MAMDC2: variants seen among roughly 807,000 people sequenced by gnomAD.
MAMDC2 encodes MAM domain-containing protein 2.
In MAMDC2, 57 loss-of-function variants were observed where a neutral mutation model predicts 89.8. The observed-to-expected ratio is 0.63, with a 90% confidence interval of 0.51 to 0.79. MAMDC2 has a LOEUF of 0.79. Ranked by LOEUF, MAMDC2 falls within the 30% of genes least tolerant of loss-of-function variation. The pLI is 0.00. For missense variants in MAMDC2, 800 were observed against 820.6 expected (o/e 0.97, Z 0.31); for synonymous variants, 313 against 293.4 (o/e 1.07, Z -0.68).
intron 9 of MAMDC2, among the ~76,000 whole-genome samples, chr9:70,151,987 G>A (rs923547045): frequency 6.6e-6 from 1 of 152,118 alleles, no homozygotes; most frequent in Non-Finnish European, 1.5e-5. Context: ...CCACCTCTCA[G>A]TGAGTTGTCA....
chr9:70,204,956 G>A (rs2033192211), intron 11 of MAMDC2, among the ~76,000 whole-genome samples: 1 of 152,160 alleles, frequency 6.6e-6, no homozygotes, highest in Admixed American at 6.5e-5. Context: ...CCCACTGTCT[G>A]GCACTCCCTA....
intron 2 of MAMDC2, chr9:70,081,513 T>C (rs1827653738): frequency 6.6e-6 from 1 of 152,122 alleles, no homozygotes. Flanking sequence ...GAAACAAAAC[T>C]TTAATGTTTC....
chr9:70,064,033 T>A (rs958215623), intron 2 of MAMDC2, among the ~76,000 whole-genome samples: 36 of 151,948 alleles, frequency 2.4e-4, no homozygotes, highest in Non-Finnish European at 4.6e-4. Flanking sequence ...TTTATTTTTT[T>A]AAAAAAAGAA....
intron 12 of MAMDC2, among the ~76,000 whole-genome samples, chr9:70,222,965 C>T (rs2033591883): frequency 6.6e-6 from 1 of 151,836 alleles, no homozygotes; most frequent in Admixed American, 6.6e-5. Flanking sequence ...ATGGCAAAAC[C>T]CTGTCTCCTC....
At chr9:70,179,523 C>CAA (rs745526034) in intron 11 of MAMDC2, among the ~76,000 whole-genome samples, 1 of 90,850 alleles carries the variant, frequency 1.1e-5, no homozygotes, top group African/African-American at 4.1e-5. Flanking sequence ...GACTCCGTCT[C>CAA]AAAAAAAATA....
chr9:70,048,588 C>T (rs773434070), intron 2 of MAMDC2, among the ~76,000 whole-genome samples: 5 of 152,150 alleles, frequency 3.3e-5, no homozygotes, highest in African/African-American at 4.8e-5. Flanking sequence ...CATGAGCCAC[C>T]GCGCCCAGCC....
chr9:70,062,141 T>A (rs561743979), intron 2 of MAMDC2, among the ~76,000 whole-genome samples: 1 of 152,340 alleles, frequency 6.6e-6, no homozygotes, highest in East Asian at 1.9e-4. Flanking sequence ...GAAATTTCTA[T>A]GCTTGCTGTT....
chr9:70,214,602 T>A (rs2033412364), intron 11 of MAMDC2, among the ~76,000 whole-genome samples: 1 of 152,200 alleles, frequency 6.6e-6, no homozygotes, highest in South Asian at 2.1e-4. Flanking sequence ...AGGAGCACTA[T>A]GAATACAATT....
At chr9:70,170,209 T>C (rs1308365425) in intron 10 of MAMDC2, 1 of 370,810 alleles carries the variant, frequency 2.7e-6, no homozygotes, top group African/African-American at 2.1e-5. Context: ...TTCACAAAAA[T>C]TCACAAGTCA....
intron 5 of MAMDC2, among the ~76,000 whole-genome samples, chr9:70,116,696 A>AG (rs929067051): frequency 1.7e-5 from 2 of 119,482 alleles, no homozygotes; most frequent in African/African-American, 2.8e-5. Flanking sequence ...ATTTGGCATT[A>AG]GAAAAAAAAA....
intron 2 of MAMDC2, among the ~76,000 whole-genome samples, chr9:70,098,056 G>A (rs1328610204): frequency 2.6e-5 from 4 of 152,138 alleles, no homozygotes. Flanking sequence ...ATGATATGAA[G>A]TACCTTGTTG....
At chr9:70,180,549 T>C (rs2032624051) in intron 11 of MAMDC2, among the ~76,000 whole-genome samples, 1 of 152,240 alleles carries the variant, frequency 6.6e-6, no homozygotes, top group Non-Finnish European at 1.5e-5. Flanking sequence ...TTTTTAATGA[T>C]TGCCATTCTA....
intron 2 of MAMDC2, among the ~76,000 whole-genome samples, chr9:70,072,557 T>C (rs1351190397): frequency 6.6e-6 from 1 of 152,156 alleles, no homozygotes; most frequent in Non-Finnish European, 1.5e-5. Flanking sequence ...ACAACAAATC[T>C]ATGAGCTGGA....
At chr9:70,179,448 C>T (rs2032584272) in intron 11 of MAMDC2, among the ~76,000 whole-genome samples, 1 of 151,056 alleles carries the variant, frequency 6.6e-6, no homozygotes, top group Non-Finnish European at 1.5e-5. Context: ...GGCGTGAACC[C>T]GGAAGGCGGA....
intron 7 of MAMDC2, among the ~76,000 whole-genome samples, chr9:70,134,319 G>A (rs1367297577): frequency 7.4e-6 from 1 of 135,828 alleles, no homozygotes; most frequent in East Asian, 2.2e-4. Context: ...AGAGGACCGT[G>A]AGACCATCCC....
intron 2 of MAMDC2, chr9:70,089,304 G>A (rs186608369): frequency 6.6e-6 from 1 of 152,322 alleles, no homozygotes; most frequent in Admixed American, 6.5e-5. Context: ...TCACAGTCTA[G>A]ACAGGGCTGA....
chr9:70,092,589 C>T (rs1827928087), intron 2 of MAMDC2: 1 of 152,278 alleles, frequency 6.6e-6, no homozygotes, highest in South Asian at 2.1e-4. Context: ...TCCCTGAGTT[C>T]AGACATCAAG....
At chr9:70,053,222 T>A (rs1201878884) in intron 2 of MAMDC2, among the ~76,000 whole-genome samples, 2 of 152,254 alleles carry the variant, frequency 1.3e-5, no homozygotes, top group Non-Finnish European at 2.9e-5. Context: ...GCAAGTCAGA[T>A]CTTCCAGGAT....
intron 2 of MAMDC2, among the ~76,000 whole-genome samples, chr9:70,090,054 T>G (rs771344878): frequency 6.6e-6 from 1 of 151,946 alleles, no homozygotes; most frequent in Non-Finnish European, 1.5e-5. Context: ...ATTTTCTTAA[T>G]ACATAAAGAA....
Sources: allele counts gnomAD v4.1 joint callset (sites outside exome capture counted in the v4.1 genomes callset), GRCh38; gene constraint gnomAD v4.1.1; transcripts MANE v1.5; gene names NCBI Gene and HGNC (gene_info 2026-07-23, HGNC 2026-07-21).